UBE2H: variants seen among roughly 807,000 people sequenced by gnomAD.
UBE2H encodes ubiquitin conjugating enzyme E2 H, also known as ubiquitin-conjugating enzyme E2 H.
In UBE2H, 3 loss-of-function variants were observed where a neutral mutation model predicts 29.0. That is an observed-to-expected ratio of 0.10 (90% CI 0.05 to 0.27). The LOEUF (loss-of-function observed/expected upper bound fraction) is 0.27, where lower values mean the gene tolerates loss of function less well. Ranked by LOEUF, UBE2H falls within the 10% of genes least tolerant of loss-of-function variation. The probability of loss-of-function intolerance (pLI) is 1.00; values close to 1 mark genes in which losing one functional copy is unlikely to be tolerated. For synonymous variants in UBE2H, 69 were observed against 82.9 expected (o/e 0.83, Z 0.91); for missense variants, 68 against 228.2 (o/e 0.30, Z 4.52).
intron 5 of UBE2H, among the ~76,000 whole-genome samples, chr7:129,849,985 A>G (rs931419788): frequency 2.0e-5 from 3 of 152,196 alleles, no homozygotes; most frequent in Non-Finnish European, 2.9e-5. Context: ...AAAACAAAAC[A>G]AAATAAAAAA....
intron 5 of UBE2H, among the ~76,000 whole-genome samples, chr7:129,854,074 T>TTTTATTTTTTTTTATTTTTTA (rs1286944384): frequency 5.3e-5 from 8 of 150,016 alleles, no homozygotes; most frequent in Admixed American, 1.3e-4. Flanking sequence ...TTTTTTTTTT[T>TTTTATTTTTTTTTATTTTTTA]TTTTTTTTGG....
At chr7:129,850,184 T>C (rs1012506843) in intron 5 of UBE2H, among the ~76,000 whole-genome samples, 2 of 151,852 alleles carry the variant, frequency 1.3e-5, no homozygotes, top group African/African-American at 4.8e-5. Context: ...CTGGACAACA[T>C]AGTGACACCC....
chr7:129,910,194 T>C (rs979030935), intron 1 of UBE2H, among the ~76,000 whole-genome samples: 2 of 151,966 alleles, frequency 1.3e-5, no homozygotes, highest in African/African-American at 4.8e-5. Context: ...CCGAGTGTGG[T>C]GGCAGGCACC....
chr7:129,887,030 CAT>C (rs1563034575), intron 1 of UBE2H, among the ~76,000 whole-genome samples: 3 of 152,180 alleles, frequency 2.0e-5, no homozygotes, highest in South Asian at 4.1e-4. Flanking sequence ...CCCAGCGGCA[CAT>C]GATTTGTTAC....
intron 1 of UBE2H, among the ~76,000 whole-genome samples, chr7:129,894,093 T>C (rs565477476): frequency 6.6e-6 from 1 of 152,166 alleles, no homozygotes. Context: ...AGGCAGAGGT[T>C]GTGGTGAGCT....
At chr7:129,925,908 A>T (rs1807259247) in intron 1 of UBE2H, among the ~76,000 whole-genome samples, 9 of 152,182 alleles carry the variant, frequency 5.9e-5, no homozygotes. Context: ...TTACCATCAC[A>T]ACTACATTAT....
intron 1 of UBE2H, among the ~76,000 whole-genome samples, chr7:129,940,938 G>T (rs1019877248): frequency 1.3e-5 from 2 of 152,168 alleles, no homozygotes; most frequent in African/African-American, 4.8e-5. Flanking sequence ...TTACACTTCA[G>T]CATAGAAAAT....
intron 5 of UBE2H, among the ~76,000 whole-genome samples, chr7:129,843,860 CA>C (rs1295154287): frequency 6.6e-6 from 1 of 152,178 alleles, no homozygotes; most frequent in Non-Finnish European, 1.5e-5. Flanking sequence ...TATTACATAA[CA>C]ACGAAAACCT....
At chr7:129,905,487 T>C (rs1487062823) in intron 1 of UBE2H, among the ~76,000 whole-genome samples, 1 of 152,216 alleles carries the variant, frequency 6.6e-6, no homozygotes, top group Admixed American at 6.5e-5. Flanking sequence ...CAGTTGTACC[T>C]TTCAGACTTA....
intron 3 of UBE2H, among the ~76,000 whole-genome samples, chr7:129,876,142 C>T (rs1021590379): frequency 4.2e-4 from 64 of 152,318 alleles, no homozygotes; most frequent in African/African-American, 1.2e-3. Context: ...CTGTAGCCTT[C>T]GTCATGTCCA....
intron 3 of UBE2H, among the ~76,000 whole-genome samples, chr7:129,867,740 A>AAAAAAAGAAAAACAAAAAAAAAAAAAAAG (rs768415224): frequency 7.2e-6 from 1 of 138,308 alleles, no homozygotes; most frequent in Non-Finnish European, 1.6e-5. Flanking sequence ...AAAAAAAAAA[A>AAAAAAAGAAAAACAAAAAAAAAAAAAAAG]AAGAAGACCA....
chr7:129,946,580 C>G (rs1007641583), intron 1 of UBE2H, among the ~76,000 whole-genome samples: 1 of 152,094 alleles, frequency 6.6e-6, no homozygotes, highest in Non-Finnish European at 1.5e-5. Context: ...CACCCTAGAC[C>G]CAATGAATTA....
At chr7:129,884,325 G>A (rs1806314706) in intron 1 of UBE2H, among the ~76,000 whole-genome samples, 1 of 150,834 alleles carries the variant, frequency 6.6e-6, no homozygotes, top group Non-Finnish European at 1.5e-5. Flanking sequence ...GCTGAGGCAG[G>A]AGAATGGCAT....
chr7:129,936,490 A>G (rs1203438911), intron 1 of UBE2H, among the ~76,000 whole-genome samples: 2 of 151,126 alleles, frequency 1.3e-5, no homozygotes, highest in Non-Finnish European at 2.9e-5. Flanking sequence ...GCTACTCGGG[A>G]GGCTGAGGCA....
intron 1 of UBE2H, among the ~76,000 whole-genome samples, chr7:129,917,721 A>C (rs1285346053): frequency 1.3e-5 from 2 of 152,176 alleles, no homozygotes; most frequent in African/African-American, 4.8e-5. Context: ...TAGGAAACAC[A>C]ATTAAAACTT....
At position 129,906,366 on chromosome 7, in the gene UBE2H, G is replaced by A. The variant is rs79770568; in HGVS notation, c.54-25395C>T. On this transcript the variant is annotated intron_variant, in intron 1 of 6. Coordinates refer to ENST00000355621, the MANE Select transcript of UBE2H (RefSeq NM_003344.4). The stretch of plus-strand genomic sequence containing the variant: ...ATTACAGGTGTGTGCCACCACATGC[G>A]GCTAATTTTTGTATTTTTAGTAGAG... Among the ~76,000 whole-genome samples, 52 of 152,000 alleles carry A rather than the reference G, an allele frequency of 3.4e-4. No individual in the cohort carries two copies. The East Asian group carries it at 8.9e-3, about 26-fold the overall frequency.
rs555337344 is a variant in UBE2H, at chr7:129,852,268, T to C, written c.298+5243A>G. On this transcript the variant is annotated intron_variant, in intron 5 of 6. Transcript: ENST00000355621. ...TGGGAAGATTCACAGACTATCTAAC[T>C]GAAAAGGGGATGGGATAAGTGTTAA... Among the ~76,000 whole-genome samples, 9 of 152,306 alleles carry C rather than the reference T, an allele frequency of 5.9e-5. No individual in the cohort carries two copies. In the South Asian group the frequency reaches 1.7e-3, roughly 28 times the overall value.
intron 1 of UBE2H, chr7:129,949,030 G>C (rs541350551): frequency 4.4e-6 from 2 of 456,700 alleles, no homozygotes; most frequent in African/African-American, 2.0e-5. Context: ...TGAGCGCTGA[G>C]GAGCGGTGCC....
chr7:129,933,665 T>A (rs1191276830), intron 1 of UBE2H, among the ~76,000 whole-genome samples: 2 of 152,180 alleles, frequency 1.3e-5, no homozygotes, highest in Admixed American at 1.3e-4. Context: ...GAATTCCCCA[T>A]CATTGGAGGA....
Sources: allele counts gnomAD v4.1 joint callset (sites outside exome capture counted in the v4.1 genomes callset), GRCh38; gene constraint gnomAD v4.1.1; transcripts MANE v1.5; gene names NCBI Gene and HGNC (gene_info 2026-07-23, HGNC 2026-07-21).